Variants in ANKRD28 observed in about 807,000 individuals in gnomAD.
ANKRD28 encodes serine/threonine-protein phosphatase 6 regulatory ankyrin repeat subunit A.
In ANKRD28, 44 loss-of-function variants were observed where a neutral mutation model predicts 126.5. The ratio of observed to expected loss-of-function variants is 0.35; its 90% CI spans 0.27 to 0.45. The LOEUF (loss-of-function observed/expected upper bound fraction) is 0.45. ANKRD28 is among the 20% of genes least tolerant of loss of function. The pLI, the probability that ANKRD28 is intolerant of heterozygous loss-of-function variation, is 1.00. For missense variants in ANKRD28, 1,110 were observed against 1,316.6 expected (o/e 0.84, Z 2.43); for synonymous variants, 442 against 468.5 (o/e 0.94, Z 0.73).
intron 21 of ANKRD28, among the ~76,000 whole-genome samples, chr3:15,681,998 T>C (rs1434526178): frequency 2.0e-5 from 3 of 152,140 alleles, no homozygotes; most frequent in Admixed American, 6.6e-5. Flanking sequence ...CAATGGAAAG[T>C]TGTCCATTGT....
rs1328924840 is a variant in ANKRD28, at chr3:15,838,433, C to A, written c.27+20944G>T. ...AACATAAGCTTATTATACGACCCAG[C>A]GATTCTACTCAAGAATCTTTGTGGC... is the stretch of plus-strand genomic sequence containing the variant. On this transcript the variant is annotated intron_variant, in intron 1 of 27. Coordinates refer to the ANKRD28 transcript ENST00000399451. The surrounding 1 kb of genome is among the most constrained non-coding windows in gnomAD (Gnocchi z 4.0). 6.6e-6 allele frequency among the ~76,000 whole-genome samples: 1 copy of A among 152,024 alleles called. No individual in the cohort carries two copies. The highest frequency in any genetic ancestry group is 1.5e-5 in the Non-Finnish European group (1 of 67,994).
intron 3 of ANKRD28, among the ~76,000 whole-genome samples, chr3:15,753,732 C>A (rs1201561802): frequency 7.0e-6 from 1 of 142,804 alleles, no homozygotes; most frequent in Non-Finnish European, 1.5e-5. Flanking sequence ...TGCTTGAAGA[C>A]AGGAGTTCAA....
chr3:15,859,527 C>G (rs1575840856), exon 1 of ANKRD28: 4 of 888,082 alleles, frequency 4.5e-6, no homozygotes, highest in African/African-American at 2.2e-5. Flanking sequence ...GGGTCCGCGG[C>G]CGACTGCGCT....
intron 7 of ANKRD28, 76 bp from the exon 8 acceptor site, chr3:15,721,203 T>A: frequency 6.5e-6 from 8 of 1,234,266 alleles, no homozygotes; most frequent in Non-Finnish European, 8.1e-6. Flanking sequence ...TTTAGCAACC[T>A]GTGGTTGCAA....
chr3:15,811,072 G>T (rs573469952), intron 1 of ANKRD28, among the ~76,000 whole-genome samples: 5 of 152,248 alleles, frequency 3.3e-5, no homozygotes, highest in East Asian at 1.9e-4. Context: ...TTGTTTTTAT[G>T]ACTTTATTTT....
chr3:15,669,962 T>C lies in ANKRD28; in HGVS notation c.*308A>G, dbSNP rs1433369887. The C allele has an allele frequency of 6.6e-5, 17 of 259,330 alleles. No individual in the cohort carries two copies. The East Asian group carries it at 1.3e-3, about 20-fold the overall frequency. 16.1% of individuals were successfully genotyped at this position (259,330 alleles called of 1,614,324 possible). A position where few individuals can be genotyped will look rare whatever the true frequency, so the allele number is the denominator to read the frequency against. On this transcript the variant is annotated 3_prime_UTR_variant, in exon 28 of 28. Transcript: ENST00000683139. ...TCTTCTGTTACAATAGTGTTGCTTG[T>C]GTAAGCAGGTTAGAGTGCACAGTGT...
At chr3:15,798,213 GGCTTAACT>G (rs1323821320), upstream of ANKRD28, 2 of 968,864 alleles carry the variant, frequency 2.1e-6, no homozygotes, top group African/African-American at 1.8e-5. Flanking sequence ...AATTCCAAAC[GGCTTAACT>G]GCTTTCGTGT....
At chr3:15,766,810 G>C (rs2058760640) in intron 2 of ANKRD28, among the ~76,000 whole-genome samples, 1 of 152,136 alleles carries the variant, frequency 6.6e-6, no homozygotes, top group South Asian at 2.1e-4. Flanking sequence ...AAATGACAAA[G>C]AAATAGCAAC....
chr3:15,832,142 C>T lies in ANKRD28; in HGVS notation c.27+27235G>A, dbSNP rs967599441. On this transcript the variant is annotated intron_variant, in intron 1 of 27. Transcript: ENST00000399451. ...GAACTCACATTCCAGTAGAGTGAGA[C>T]ATTTCATAAACATATAGACAAATAA... Among the ~76,000 whole-genome samples, 38 of 152,140 alleles carry T rather than the reference C, an allele frequency of 2.5e-4. 1 individual carries two copies. The highest frequency in any genetic ancestry group is 9.2e-4 in the African/African-American group (38 of 41,424).
At position 15,856,668 on chromosome 3, in the gene ANKRD28, A is replaced by C. The variant is rs140016838; in HGVS notation, c.27+2709T>G. Among the ~76,000 whole-genome samples the C allele has an allele frequency of 4.1e-3, 630 of 152,326 alleles. 5 individuals carry two copies. The highest frequency in any genetic ancestry group is 0.019 in the East Asian group (100 of 5,190). On this transcript the variant is annotated intron_variant, in intron 1 of 27. Coordinates refer to the ANKRD28 transcript ENST00000399451. ...TGCAGTAATAACTTCTTACCCCCAT[A>C]ATTAGGTGGTGGCACAAAATGAGAG...
chr3:15,822,523 A>G (rs189872760), intron 1 of ANKRD28, among the ~76,000 whole-genome samples: 85 of 152,346 alleles, frequency 5.6e-4, no homozygotes, highest in African/African-American at 1.9e-3. Flanking sequence ...AAAATATCCA[A>G]TTTCCAACAA....
intron 1 of ANKRD28, among the ~76,000 whole-genome samples, chr3:15,829,633 C>T (rs1275282568): frequency 2.0e-5 from 3 of 152,108 alleles, no homozygotes; most frequent in Non-Finnish European, 4.4e-5. Context: ...CAATTACTGA[C>T]ACGTTTCATG....
intron 27 of ANKRD28, among the ~76,000 whole-genome samples, chr3:15,673,947 G>C (rs1395440041): frequency 2.6e-5 from 4 of 151,906 alleles, no homozygotes; most frequent in Admixed American, 6.6e-5. Flanking sequence ...AGGCTGAGGT[G>C]GGGGGATTGC....
intron 1 of ANKRD28, among the ~76,000 whole-genome samples, chr3:15,856,450 T>C (rs1051460562): frequency 6.6e-6 from 1 of 152,196 alleles, no homozygotes; most frequent in Non-Finnish European, 1.5e-5. Flanking sequence ...ATGATTACAT[T>C]TTAACATACC....
chr3:15,783,381 T>G (rs1455408432), intron 2 of ANKRD28, among the ~76,000 whole-genome samples: 1 of 152,092 alleles, frequency 6.6e-6, no homozygotes, highest in African/African-American at 2.4e-5. Flanking sequence ...ACGAAATATT[T>G]GTGAGAATGT....
intron 1 of ANKRD28, among the ~76,000 whole-genome samples, chr3:15,827,619 G>A (rs893894831): frequency 6.6e-6 from 1 of 152,130 alleles, no homozygotes; most frequent in Non-Finnish European, 1.5e-5. Flanking sequence ...CAAAGTAAGA[G>A]CTAAAACTGT....
rs1350913052 is a variant in ANKRD28, at chr3:15,812,342, G to A, written c.28-17036C>T. Among the ~76,000 whole-genome samples the A allele has an allele frequency of 6.6e-6, 1 of 152,126 alleles. No homozygotes were observed. Among genetic ancestry groups the A allele is most frequent in the Non-Finnish European group, 1.5e-5 (1 of 68,026 alleles). ...TTTTTTAAATGAATTTTCAAATGGTGCCCTTAGGTAAATTTAGAAAGGGTT... is the reference window on the plus strand; with the variant it reads ...TTTTTTAAATGAATTTTCAAATGGTACCCTTAGGTAAATTTAGAAAGGGTT... On this transcript the variant is annotated intron_variant, in intron 1 of 27. Coordinates refer to the ANKRD28 transcript ENST00000399451. The surrounding 1 kb of genome is among the most constrained non-coding windows in gnomAD (Gnocchi z 4.1).
At chr3:15,783,373 G>A (rs572187345) in intron 2 of ANKRD28, among the ~76,000 whole-genome samples, 8 of 151,894 alleles carry the variant, frequency 5.3e-5, no homozygotes, top group African/African-American at 9.7e-5. Flanking sequence ...CTGATTATAC[G>A]AAATATTTGT....
In ANKRD28 at chr3:15,751,833, G is replaced by GA; in HGVS notation, c.281-14dup. 9.2e-6 allele frequency: 14 copies of GA among 1,523,722 alleles called. No individual in the cohort carries two copies. The highest frequency in any genetic ancestry group is 9.8e-6 in the Non-Finnish European group (11 of 1,126,250). The allele number at this position is 1,523,722 out of a possible 1,614,324, so 94.4% of individuals were successfully genotyped here. A position where few individuals can be genotyped will look rare whatever the true frequency, so the allele number is the denominator to read the frequency against. ...TTAACTCTAGCTCCTGCAACAAGAAGAAAAAAATAAATTGAAATATTGTAC... is the reference window on the plus strand; with the variant it reads ...TTAACTCTAGCTCCTGCAACAAGAAGAAAAAAAATAAATTGAAATATTGTAC... On this transcript the variant is annotated splice_polypyrimidine_tract_variant and intron_variant, in intron 3 of 27. Transcript: ENST00000683139.
Sources: allele counts gnomAD v4.1 joint callset (sites outside exome capture counted in the v4.1 genomes callset), GRCh38; gene constraint gnomAD v4.1.1; non-coding constraint Gnocchi (gnomAD v3.1); transcripts MANE v1.5; gene names NCBI Gene and HGNC (gene_info 2026-07-23, HGNC 2026-07-21).